Variants in FAM240A observed in about 807,000 individuals in gnomAD.
FAM240A encodes family with sequence similarity 240 member A.
In FAM240A, 8 loss-of-function variants were observed where a neutral mutation model predicts 7.3. The observed-to-expected ratio is 1.09, with a 90% CI of 0.64 to 1.97. FAM240A has a LOEUF of 1.97. FAM240A is among the 30% of genes most tolerant of loss of function. The pLI is 0.00. For synonymous variants in FAM240A, 32 were observed against 35.9 expected (o/e 0.89, Z 0.38); for missense variants, 90 against 102.2 (o/e 0.88, Z 0.52).
rs1230398848 is a variant in FAM240A, at chr3:46,623,826, A to G, written c.162-1302A>G. Among the ~76,000 whole-genome samples, 3 of 152,218 alleles carry G rather than the reference A, an allele frequency of 2.0e-5. 1 individual carries two copies. Among genetic ancestry groups the G allele is most frequent in the South Asian group, 4.1e-4 (2 of 4,832 alleles). ...TTGGATATTGTCTTTTAAAAATCCA[A>G]TTTGACAGTCTTTGCATTTTTATTG... On this transcript the variant is annotated intron_variant, in intron 2 of 2. Transcript: ENST00000640551.
chr3:46,622,094 C>T (rs988886114), intron 2 of FAM240A, among the ~76,000 whole-genome samples: 1 of 146,154 alleles, frequency 6.8e-6, no homozygotes, highest in African/African-American at 2.5e-5. Flanking sequence ...GTCTAATTTA[C>T]GAGAAAATTT....
chr3:46,612,548 C>CTT lies in FAM240A; in HGVS notation c.-135_-134dup, dbSNP rs1697574870. On this transcript the variant is annotated 5_prime_UTR_variant, in exon 1 of 3. Transcript: ENST00000640551. ...TCAAATTGCTGGCACAGCGTTAAGG[C>CTT]TTGCGAGGGACAAATGTTCCTTTGT... 2.8e-6 allele frequency: 2 copies of CTT among 707,194 alleles called. No homozygotes were observed. Among genetic ancestry groups the CTT allele is most frequent in the Non-Finnish European group, 5.0e-6 (2 of 402,542 alleles). The allele number at this position is 707,194 out of a possible 1,614,324, so 43.8% of individuals were successfully genotyped here.
In FAM240A at chr3:46,622,211, T is replaced by C. The variant is rs534253819; in HGVS notation, c.162-2917T>C. 1.7e-4 allele frequency among the ~76,000 whole-genome samples: 25 copies of C among 147,716 alleles called. No homozygotes were observed. The East Asian group carries it at 4.6e-3, about 27-fold the overall frequency. Reference sequence around the variant, plus strand: ...AGCTCCATCTCCCAGGTTCGCGCCATTCTCCTGCCTCAGCCTCCCGAGTAA... The same window carrying C: ...AGCTCCATCTCCCAGGTTCGCGCCACTCTCCTGCCTCAGCCTCCCGAGTAA... On this transcript the variant is annotated intron_variant, in intron 2 of 2. Coordinates refer to ENST00000640551, the MANE Select transcript of FAM240A (RefSeq NM_001195442.2).
chr3:46,615,315 G>T (rs763527240), intron 1 of FAM240A, among the ~76,000 whole-genome samples: 1 of 151,556 alleles, frequency 6.6e-6, no homozygotes, highest in Non-Finnish European at 1.5e-5. Flanking sequence ...AGCACAGCCT[G>T]AGCCCACTCC....
chr3:46,618,916 CACATAT>C (rs879622558), intron 2 of FAM240A, among the ~76,000 whole-genome samples: 161 of 142,710 alleles, frequency 1.1e-3, no homozygotes, highest in Non-Finnish European at 1.8e-3. Context: ...CACACACACA[CACATAT>C]GCAGTATCTA....
chr3:46,626,487 A>G lies in FAM240A; in HGVS notation c.*1269A>G, dbSNP rs9852808. The stretch of plus-strand genomic sequence containing the variant: ...CAGTAGTGGTTCTCTTGTCCAGCCC[A>G]CTGCTACTGGACCATCCCTATGTAA... On this transcript the variant is annotated 3_prime_UTR_variant, in exon 3 of 3. Coordinates refer to ENST00000640551, the MANE Select transcript of FAM240A (RefSeq NM_001195442.2). 0.11 allele frequency: 16,996 copies of G among 152,210 alleles called. 1,182 individuals carry two copies. Among genetic ancestry groups the G allele is most frequent in the East Asian group, 0.33 (1,705 of 5,186 alleles). 9.4% of individuals were successfully genotyped at this position (152,210 alleles called of 1,614,324 possible).
intron 1 of FAM240A, among the ~76,000 whole-genome samples, chr3:46,613,528 A>T (rs183063180): frequency 2.7e-4 from 12 of 44,410 alleles, no homozygotes; most frequent in East Asian, 9.7e-4. Context: ...AATAAATAAA[A>T]AACAAGACAC....
At chr3:46,613,811 C>T (rs1196663423) in intron 1 of FAM240A, among the ~76,000 whole-genome samples, 1 of 152,194 alleles carries the variant, frequency 6.6e-6, no homozygotes, top group Non-Finnish European at 1.5e-5. Context: ...ACGTGAAGTG[C>T]CAGTGCCTCA....
chr3:46,620,847 A>G (rs1164784575), intron 2 of FAM240A, among the ~76,000 whole-genome samples: 3 of 152,236 alleles, frequency 2.0e-5, no homozygotes, highest in Non-Finnish European at 4.4e-5. Context: ...TGATGATATC[A>G]AGTACCTCTG....
intron 2 of FAM240A, 104 bp from the exon 3 acceptor site, chr3:46,625,024 A>G (rs1416988787): frequency 1.6e-6 from 1 of 644,202 alleles, no homozygotes; most frequent in African/African-American, 1.8e-5. Context: ...AAACCTGAAC[A>G]CATACATGCA....
rs1484438369 is a variant in FAM240A, at chr3:46,617,264, A to G, written c.97A>G (p.Ile33Val). The G allele has an allele frequency of 6.5e-7, 1 of 1,535,744 alleles. No individual in the cohort carries two copies. Among genetic ancestry groups the G allele is most frequent in the Admixed American group, 2.0e-5 (1 of 50,952 alleles). ...HDLKHFWERE[I>V]GKQTYYRESE... ...TCTCAAGCATTTCTGGGAAAGGGAA[A>G]TTGGCAAACAGACTTACTACCGAGA... Residue 33 changes from isoleucine (I) to valine (V), a missense_variant, in exon 2 of 3, where the codon ATT becomes GTT. Ile to Val is a conservative substitution (Grantham distance 29). Coordinates refer to ENST00000640551, the MANE Select transcript of FAM240A (RefSeq NM_001195442.2).
chr3:46,616,285 G>T lies in FAM240A; in HGVS notation c.16-898G>T, dbSNP rs373720216. On this transcript the variant is annotated intron_variant, in intron 1 of 2. Coordinates refer to ENST00000640551, the MANE Select transcript of FAM240A (RefSeq NM_001195442.2). ...TGTCTCATGTCAACAGCAGGGTCAG[G>T]ATGCCTATACCCTGCAGAGTCTCAG... Among the ~76,000 whole-genome samples, 11 of 152,340 alleles carry T rather than the reference G, an allele frequency of 7.2e-5. No homozygotes were observed. The East Asian group carries it at 1.2e-3, about 16-fold the overall frequency.
Position 46,617,208 on chromosome 3 carries a change from G to T in FAM240A, c.41G>T (p.Arg14Leu). 6.5e-7 allele frequency: 1 copy of T among 1,533,408 alleles called. No individual in the cohort carries two copies. Among genetic ancestry groups the T allele is most frequent in the Non-Finnish European group, 8.7e-7 (1 of 1,145,878 alleles). The allele number at this position is 1,533,408 out of a possible 1,614,324, so 95.0% of individuals were successfully genotyped here. The change falls in exon 2 of 3, where the codon CGG becomes CTG. Residue 14 changes from arginine to leucine, a missense_variant. Arg to Leu is a moderately radical substitution (Grantham distance 102, BLOSUM62 -2). Transcript: ENST00000640551. ...FSGMNNQYTR[R>L]EVFCRNTCHD... The stretch of plus-strand genomic sequence containing the variant: ...GGGATGAACAATCAATACACCCGTC[G>T]GGAGGTCTTCTGCCGGAACACCTGC...
At chr3:46,621,648 T>C (rs1697695998) in intron 2 of FAM240A, among the ~76,000 whole-genome samples, 1 of 151,994 alleles carries the variant, frequency 6.6e-6, no homozygotes, top group African/African-American at 2.4e-5. Flanking sequence ...TAGTCCCAGC[T>C]ACTGCGGGGG....
chr3:46,621,830 A>C (rs1697698366), intron 2 of FAM240A, among the ~76,000 whole-genome samples: 1 of 150,858 alleles, frequency 6.6e-6, no homozygotes, highest in Non-Finnish European at 1.5e-5. Flanking sequence ...GACATATTTT[A>C]GTATAAATTG....
At chr3:46,622,401 C>T (rs1218315170) in intron 2 of FAM240A, among the ~76,000 whole-genome samples, 10 of 152,122 alleles carry the variant, frequency 6.6e-5, no homozygotes, top group East Asian at 1.9e-4. Flanking sequence ...CCACCGCGCC[C>T]GGCTGAGAAA....
chr3:46,618,686 C>T (rs1052130745), intron 2 of FAM240A, among the ~76,000 whole-genome samples: 17 of 151,688 alleles, frequency 1.1e-4, no homozygotes, highest in African/African-American at 4.1e-4. Context: ...ACTAAAAATA[C>T]AAAATTAGCT....
At chr3:46,618,085 G>A (rs1697651305) in intron 2 of FAM240A, among the ~76,000 whole-genome samples, 1 of 152,212 alleles carries the variant, frequency 6.6e-6, no homozygotes, top group South Asian at 2.1e-4. Flanking sequence ...GCTTATGTGT[G>A]GTAAGGGAGT....
chr3:46,622,206 C>T (rs892442707), intron 2 of FAM240A, among the ~76,000 whole-genome samples: 12 of 149,158 alleles, frequency 8.0e-5, no homozygotes, highest in African/African-American at 1.7e-4. Context: ...CCCAGGTTCG[C>T]GCCATTCTCC....
Sources: gnomAD v4.1 joint callset for allele counts (sites outside exome capture counted in the v4.1 genomes callset) on GRCh38, gnomAD v4.1.1 for gene constraint, MANE v1.5 for transcripts, NCBI Gene and HGNC (gene_info 2026-07-23, HGNC 2026-07-21) for gene names.